Variants in PLPP3 observed in about 807,000 individuals in gnomAD.
The protein encoded by PLPP3 is PAP2 beta.
A neutral mutation model predicts 29.6 loss-of-function variants in PLPP3; 6 were observed. The ratio of observed to expected loss-of-function variants is 0.20; its 90% CI spans 0.11 to 0.40. The LOEUF (loss-of-function observed/expected upper bound fraction) is 0.40, where lower values mean the gene tolerates loss of function less well. Ranked by LOEUF, PLPP3 falls within the 10% of genes least tolerant of loss-of-function variation. The pLI is 1.00. For synonymous variants in PLPP3, 152 were observed against 159.7 expected (o/e 0.95, Z 0.36); for missense variants, 308 against 407.7 (o/e 0.76, Z 2.11).
intron 5 of PLPP3, among the ~76,000 whole-genome samples, chr1:56,506,147 G>A (rs975464049): frequency 6.6e-6 from 1 of 152,138 alleles, no homozygotes. Context: ...GGAATAGATG[G>A]GACTCTCTCC....
At chr1:56,578,339 A>C (rs1018177668) in intron 1 of PLPP3, among the ~76,000 whole-genome samples, 3 of 152,174 alleles carry the variant, frequency 2.0e-5, no homozygotes, top group Admixed American at 2.0e-4. Flanking sequence ...CGGGGAAAGC[A>C]CCTACAGGAG....
chr1:56,516,481 A>G (rs917931443), intron 4 of PLPP3, among the ~76,000 whole-genome samples: 2 of 152,236 alleles, frequency 1.3e-5, no homozygotes, highest in Non-Finnish European at 2.9e-5. Flanking sequence ...GGGCTTTAGT[A>G]AAGTCCTAGG....
chr1:56,513,420 CG>C (rs756124062), intron 4 of PLPP3: 1 of 152,536 alleles, frequency 6.6e-6, no homozygotes, highest in Non-Finnish European at 1.5e-5. Flanking sequence ...GGGAAGAGAG[CG>C]GAGGGGAGGT....
chr1:56,538,039 C>A (rs1645939884), intron 1 of PLPP3, among the ~76,000 whole-genome samples: 1 of 152,150 alleles, frequency 6.6e-6, no homozygotes, highest in African/African-American at 2.4e-5. Context: ...AGGCTCATGG[C>A]CCCCATTCCC....
At chr1:56,554,069 C>T (rs183413055) in intron 1 of PLPP3, among the ~76,000 whole-genome samples, 1 of 150,036 alleles carries the variant, frequency 6.7e-6, no homozygotes, top group South Asian at 2.1e-4. Context: ...CCCACTTTGG[C>T]TTTTTTTTTA....
At chr1:56,551,923 G>A (rs76679390) in intron 1 of PLPP3, among the ~76,000 whole-genome samples, 3,808 of 152,264 alleles carry the variant, frequency 0.025, 59 homozygotes, top group South Asian at 0.095. Context: ...TCTATTAAGG[G>A]ACTGCCAATT....
At position 56,524,608 on chromosome 1, in the gene PLPP3, T is replaced by C; in HGVS notation, c.298-54A>G. 3 of 1,558,186 alleles carry C rather than the reference T, an allele frequency of 1.9e-6. No homozygotes were observed. Among genetic ancestry groups the C allele is most frequent in the Non-Finnish European group, 2.6e-6 (3 of 1,137,056 alleles). Reference sequence around the variant, plus strand: ...CAGTATCAAGATTCATCATCAACACTGATGCCGTAACGGATATTCAACAAC... The same window carrying C: ...CAGTATCAAGATTCATCATCAACACCGATGCCGTAACGGATATTCAACAAC... On this transcript the variant is annotated intron_variant, in intron 2 of 5. Transcript: ENST00000371250. The surrounding 1 kb of genome is among the most constrained non-coding windows in gnomAD (Gnocchi z 4.3).
intron 5 of PLPP3, 22 bp from the exon 6 acceptor site, chr1:56,496,698 C>T (rs1026263580): frequency 6.8e-6 from 11 of 1,611,626 alleles, no homozygotes; most frequent in Non-Finnish European, 9.3e-6. Flanking sequence ...AATCAGAGAT[C>T]GAAGTCAGTA....
chr1:56,574,114 C>T (rs1005141694), intron 1 of PLPP3, among the ~76,000 whole-genome samples: 4 of 151,536 alleles, frequency 2.6e-5, no homozygotes, highest in Admixed American at 2.0e-4. Flanking sequence ...GCAGGAGAAT[C>T]GCTTGAATCC....
At chr1:56,564,478 T>C (rs1053500091) in intron 1 of PLPP3, among the ~76,000 whole-genome samples, 2 of 152,220 alleles carry the variant, frequency 1.3e-5, no homozygotes, top group African/African-American at 4.8e-5. Context: ...CGTTATCATT[T>C]GGTAGAATTG....
At chr1:56,527,015 T>C (rs1050599888) in intron 2 of PLPP3, among the ~76,000 whole-genome samples, 9 of 152,190 alleles carry the variant, frequency 5.9e-5, no homozygotes, top group African/African-American at 1.9e-4. Context: ...AGAAAGAACA[T>C]GTGAGTTTCC....
At chr1:56,506,186 C>T (rs1195445260) in intron 5 of PLPP3, among the ~76,000 whole-genome samples, 2 of 152,198 alleles carry the variant, frequency 1.3e-5, no homozygotes, top group African/African-American at 4.8e-5. Context: ...CCTTGCAAAT[C>T]CATGGCTAAG....
intron 5 of PLPP3, among the ~76,000 whole-genome samples, chr1:56,499,112 A>G (rs1242239937): frequency 1.5e-5 from 2 of 129,350 alleles, no homozygotes; most frequent in African/African-American, 5.6e-5. Flanking sequence ...ATCTTGAAGA[A>G]TCTACCACCT....
intron 1 of PLPP3, among the ~76,000 whole-genome samples, chr1:56,563,207 C>T (rs928614977): frequency 3.3e-5 from 5 of 152,148 alleles, no homozygotes; most frequent in African/African-American, 1.2e-4. Context: ...CCAACTCTGT[C>T]AGAAAAAGAA....
At chr1:56,509,824 G>A (rs557757577) in intron 5 of PLPP3, among the ~76,000 whole-genome samples, 8 of 107,224 alleles carry the variant, frequency 7.5e-5, no homozygotes, top group East Asian at 2.5e-4. Flanking sequence ...GTGAGAGAGC[G>A]AGACTCTCAA....
rs927680078 is a variant in PLPP3 at position 56,518,222 on chromosome 1, C to T, written c.633+5601G>A. ...ATCTTGCTCCCCAAAGGAGTTTCTA[C>T]AGCTGCTCCCAGGATCTGTGGGTAC... On this transcript the variant is annotated intron_variant, in intron 4 of 5. Coordinates refer to ENST00000371250, the MANE Select transcript of PLPP3 (RefSeq NM_003713.5). Among the ~76,000 whole-genome samples, 5 of 152,196 alleles carry T rather than the reference C, an allele frequency of 3.3e-5. No homozygotes were observed. In the East Asian group the frequency reaches 7.7e-4, roughly 23 times the overall value.
chr1:56,573,204 G>A (rs1243545247), intron 1 of PLPP3, among the ~76,000 whole-genome samples: 1 of 152,138 alleles, frequency 6.6e-6, no homozygotes, highest in Non-Finnish European at 1.5e-5. Flanking sequence ...ATTACATAGA[G>A]TTCGGTTTAC....
chr1:56,559,412 T>C (rs1334852984), intron 1 of PLPP3, among the ~76,000 whole-genome samples: 1 of 82,286 alleles, frequency 1.2e-5, no homozygotes, highest in Non-Finnish European at 2.8e-5. Context: ...TTAAACATAA[T>C]CATATGGTTA....
chr1:56,548,546 CCAAATGG>C (rs1359633659), intron 1 of PLPP3, among the ~76,000 whole-genome samples: 3 of 152,142 alleles, frequency 2.0e-5, no homozygotes, highest in Non-Finnish European at 4.4e-5. Flanking sequence ...ACTGAGTTTT[CCAAATGG>C]CAATGGGTGG....
Sources: gnomAD v4.1 joint callset for allele counts (sites outside exome capture counted in the v4.1 genomes callset) on GRCh38, gnomAD v4.1.1 for gene constraint, Gnocchi (gnomAD v3.1) non-coding constraint, MANE v1.5 for transcripts, NCBI Gene and HGNC (gene_info 2026-07-23, HGNC 2026-07-21) for gene names.